Variants in SEMA3A observed in about 807,000 individuals in gnomAD.
SEMA3A encodes the protein semaphorin 3A.
In SEMA3A, 29 loss-of-function variants were observed where a neutral mutation model predicts 97.9. The observed-to-expected ratio is 0.30, with a 90% confidence interval of 0.22 to 0.40. The LOEUF is 0.40. Among genes scored for constraint, SEMA3A ranks in the 10% least tolerant of loss-of-function variants. The probability of loss-of-function intolerance (pLI) is 1.00; values close to 1 mark genes in which losing one functional copy is unlikely to be tolerated. For synonymous variants in SEMA3A, 321 were observed against 323.7 expected, an observed-to-expected ratio of 0.99 and a Z score of 0.09; for missense variants, 763 against 951.3, an observed-to-expected ratio of 0.80 and a Z score of 2.60.
At chr7:84,233,918 TTAA>T (rs1260638379) in intron 3 of SEMA3A, among the ~76,000 whole-genome samples, 1 of 152,022 alleles carries the variant, frequency 6.6e-6, no homozygotes. Flanking sequence ...ATAAATGGAA[TTAA>T]TAATAAATGT....
At chr7:83,984,215 C>T (rs1789537731) in intron 13 of SEMA3A, among the ~76,000 whole-genome samples, 1 of 152,042 alleles carries the variant, frequency 6.6e-6, no homozygotes. Flanking sequence ...AAAATCATTA[C>T]AGGAAAGAAT....
intron 1 of SEMA3A, among the ~76,000 whole-genome samples, chr7:84,159,685 A>G (rs141993965): frequency 6.6e-6 from 1 of 152,194 alleles, no homozygotes; most frequent in East Asian, 1.9e-4. Flanking sequence ...CTACTTAATG[A>G]TACTATAATT....
chr7:83,968,730 G>C (rs1018751421), intron 15 of SEMA3A, among the ~76,000 whole-genome samples: 15 of 150,872 alleles, frequency 9.9e-5, no homozygotes, highest in African/African-American at 3.7e-4. Context: ...ATGTTAGATA[G>C]GTCATTTAGC....
At chr7:84,056,461 GA>G (rs1269913196) in intron 5 of SEMA3A, among the ~76,000 whole-genome samples, 1 of 152,068 alleles carries the variant, frequency 6.6e-6, no homozygotes, top group African/African-American at 2.4e-5. Context: ...TAACACAGGT[GA>G]AAAGTGTGAC....
chr7:84,171,123 T>C (rs954206994), intron 1 of SEMA3A, among the ~76,000 whole-genome samples: 1 of 152,084 alleles, frequency 6.6e-6, no homozygotes, highest in East Asian at 1.9e-4. Context: ...TAAAGAATGG[T>C]GCTCTAATCC....
intron 1 of SEMA3A, among the ~76,000 whole-genome samples, chr7:84,152,116 T>C (rs1212143800): frequency 6.6e-6 from 1 of 151,554 alleles, no homozygotes; most frequent in African/African-American, 2.4e-5. Context: ...AGTTCAACCA[T>C]AGTGGAAGTC....
In SEMA3A at chr7:84,360,012, A is replaced by G. The variant is rs1802672714; in HGVS notation, c.-169+11812T>C. Among the ~76,000 whole-genome samples the G allele has an allele frequency of 2.0e-5, 3 of 148,928 alleles. No individual in the cohort carries two copies. In the Admixed American group the frequency reaches 2.0e-4, roughly 10 times the overall value. Reference sequence around the variant, plus strand: ...CCCTTTATCATTTTTTATTGTGTCTATTTGATTCTTCTCTCTTTTCTTCTT... The same window carrying G: ...CCCTTTATCATTTTTTATTGTGTCTGTTTGATTCTTCTCTCTTTTCTTCTT... On this transcript the variant is annotated intron_variant, in intron 2 of 3. Coordinates refer to the SEMA3A transcript ENST00000424555.
chr7:84,272,152 T>C (rs535340226), intron 3 of SEMA3A, among the ~76,000 whole-genome samples: 116 of 152,182 alleles, frequency 7.6e-4, no homozygotes, highest in African/African-American at 2.7e-3. Context: ...AGTAATATCA[T>C]AGATTATATC....
intron 2 of SEMA3A, among the ~76,000 whole-genome samples, chr7:84,334,850 C>G (rs1419269705): frequency 1.3e-5 from 2 of 150,498 alleles, no homozygotes; most frequent in African/African-American, 4.9e-5. Context: ...CTGGCTCTTC[C>G]CCTGGCCCTG....
In SEMA3A at chr7:84,118,504, C is replaced by T. The variant is rs186017767; in HGVS notation, c.334-7915G>A. Among the ~76,000 whole-genome samples the T allele has an allele frequency of 3.3e-5, 5 of 152,278 alleles. No individual in the cohort carries two copies. In the East Asian group the frequency reaches 9.7e-4, roughly 29 times the overall value. On this transcript the variant is annotated intron_variant, in intron 3 of 16. Coordinates refer to ENST00000265362, the MANE Select transcript of SEMA3A (RefSeq NM_006080.3). ...ATTACACTCCCCAGGTTGTTCTGATCTGCTGGCCACGTTGTTAGCGTGGGG... is the reference window on the plus strand; with the variant it reads ...ATTACACTCCCCAGGTTGTTCTGATTTGCTGGCCACGTTGTTAGCGTGGGG...
chr7:84,397,184 T>C (rs907297928), intron 1 of SEMA3A, among the ~76,000 whole-genome samples: 2 of 151,934 alleles, frequency 1.3e-5, no homozygotes, highest in African/African-American at 4.8e-5. Context: ...TATCAAATAA[T>C]AATCTACTTT....
intron 1 of SEMA3A, among the ~76,000 whole-genome samples, chr7:84,188,777 T>C (rs1195928484): frequency 2.0e-5 from 3 of 152,008 alleles, no homozygotes; most frequent in Non-Finnish European, 4.4e-5. Context: ...TTTAAATGTA[T>C]GTATTTGCTT....
intron 14 of SEMA3A, among the ~76,000 whole-genome samples, chr7:83,979,952 T>C (rs957644709): frequency 6.6e-6 from 1 of 152,190 alleles, no homozygotes; most frequent in African/African-American, 2.4e-5. Context: ...TCTACATTCA[T>C]AGCTTCTTTG....
intron 5 of SEMA3A, among the ~76,000 whole-genome samples, chr7:84,051,305 T>G (rs1000687048): frequency 2.6e-5 from 4 of 152,150 alleles, no homozygotes; most frequent in South Asian, 2.1e-4. Context: ...TTGGGCAGTA[T>G]GGCCATTTTC....
intron 2 of SEMA3A, among the ~76,000 whole-genome samples, chr7:84,349,704 C>A (rs1358074066): frequency 6.6e-6 from 1 of 152,164 alleles, no homozygotes; most frequent in African/African-American, 2.4e-5. Context: ...TTATCTATGG[C>A]CTCCATATAA....
In SEMA3A at chr7:84,430,204, A is replaced by T. The variant is rs190893217; in HGVS notation, c.-245-58304T>A. Among the ~76,000 whole-genome samples the T allele has an allele frequency of 8.4e-4, 128 of 152,114 alleles. 1 individual carries two copies. The highest frequency in any genetic ancestry group is 3.4e-3 in the Middle Eastern group (1 of 294). On this transcript the variant is annotated intron_variant, in intron 1 of 3. Transcript: ENST00000424555. ...ATAATATTCTCTCAGTGTACTAATT[A>T]TGACACATGTTCAGAATAAAACATA...
intron 7 of SEMA3A, among the ~76,000 whole-genome samples, chr7:84,012,783 G>A (rs1217974020): frequency 6.6e-6 from 1 of 152,092 alleles, no homozygotes. Context: ...TGAGGTATGT[G>A]TTTACTAGAA....
At chr7:84,102,073 C>G (rs894250163) in intron 4 of SEMA3A, among the ~76,000 whole-genome samples, 2 of 151,914 alleles carry the variant, frequency 1.3e-5, no homozygotes, top group South Asian at 4.2e-4. Context: ...ATTATACTGC[C>G]TTTGAACAGA....
intron 1 of SEMA3A, among the ~76,000 whole-genome samples, chr7:84,445,726 A>C (rs1236380427): frequency 1.3e-5 from 2 of 151,724 alleles, no homozygotes; most frequent in Admixed American, 1.3e-4. Flanking sequence ...AATAGTGCTA[A>C]AGAGGAAATT....
Sources: allele counts gnomAD v4.1 joint callset (sites outside exome capture counted in the v4.1 genomes callset), GRCh38; gene constraint gnomAD v4.1.1; transcripts MANE v1.5; gene names NCBI Gene and HGNC (gene_info 2026-07-23, HGNC 2026-07-21).